LDLRAD2: variants seen among roughly 807,000 people sequenced by gnomAD.
LDLRAD2 encodes low density lipoprotein receptor class A domain containing 2.
A neutral mutation model predicts 24.9 loss-of-function variants in LDLRAD2; 25 were observed. The observed-to-expected ratio is 1.00, with a 90% CI of 0.73 to 1.40. The LOEUF is 1.40. Ranked by LOEUF, LDLRAD2 falls within the 40% of genes most tolerant of loss-of-function variation. The pLI is 0.00. For missense variants in LDLRAD2, 391 were observed against 366.2 expected, an observed-to-expected ratio of 1.07 and a Z score of -0.55; for synonymous variants, 182 against 166.7, an observed-to-expected ratio of 1.09 and a Z score of -0.71.
At chr1:21,815,843 C>A in intron 2 of LDLRAD2, 100 bp from the exon 3 acceptor site, 1 of 1,441,180 alleles carries the variant, frequency 6.9e-7, no homozygotes, top group Non-Finnish European at 9.5e-7. Context: ...GCAGCTCTCT[C>A]CTGCCCACAC....
At position 21,812,484 on chromosome 1, in the gene LDLRAD2, A is replaced by G; in HGVS notation, c.33A>G (p.Gln11=). 6.2e-7 allele frequency: 1 copy of G among 1,614,066 alleles called. No homozygotes were observed. Among genetic ancestry groups the G allele is most frequent in the Non-Finnish European group, 8.5e-7 (1 of 1,179,988 alleles). The change falls in exon 1 of 5, where the codon CAA becomes CAG. Residue 11 remains glutamine (Q), a synonymous_variant. Coordinates refer to ENST00000344642, the MANE Select transcript of LDLRAD2 (RefSeq NM_001013693.3). The stretch of plus-strand genomic sequence containing the variant: ...CTTGTTGTCTTCTGCAGTTGCCCCA[A>G]AGGTTGCTCTTGCTGGGGGCAGCCG... MEACCLLQLP[Q]RLLLLGAAAL...
At position 21,820,613 on chromosome 1, in the gene LDLRAD2, TTAGACA is replaced by T. The variant is rs1174898443; in HGVS notation, c.644-834_644-829del. Reference sequence around the variant, plus strand: ...TTTTTCTCACTAGCATCTATCTCCTTTAGACATAAATTCTATTCATGTGTTTTGTTT... The same window carrying T: ...TTTTTCTCACTAGCATCTATCTCCTTTAAATTCTATTCATGTGTTTTGTTT... On this transcript the variant is annotated intron_variant, in intron 3 of 4. Coordinates refer to ENST00000344642, the MANE Select transcript of LDLRAD2 (RefSeq NM_001013693.3). Among the ~76,000 whole-genome samples, 10 of 152,312 alleles carry T rather than the reference TTAGACA, an allele frequency of 6.6e-5. 1 individual carries two copies. The highest frequency in any genetic ancestry group is 2.4e-4 in the African/African-American group (10 of 41,576).
rs781429937 is a variant in LDLRAD2 at position 21,821,460 on chromosome 1, G to A, written c.654G>A (p.Pro218=). 3.7e-6 allele frequency: 6 copies of A among 1,613,938 alleles called. No individual in the cohort carries two copies. The highest frequency in any genetic ancestry group is 2.2e-5 in the East Asian group (1 of 44,890). Residue 218 remains proline (P), a synonymous_variant, in exon 4 of 5, where the codon CCG becomes CCA. Transcript: ENST00000344642. ...WSPADCRGPS[P]VPSQTGSTDA... is the part of the protein sequence containing the mutation. ...TTCTTTCCCATGCAGGTCCCTCTCCGGTGCCCAGCCAGACAGGAAGTACAG... is the reference window on the plus strand; with the variant it reads ...TTCTTTCCCATGCAGGTCCCTCTCCAGTGCCCAGCCAGACAGGAAGTACAG...
In LDLRAD2 at chr1:21,817,130, A is replaced by C. The variant is rs543124089; in HGVS notation, c.643+1056A>C. 5.9e-4 allele frequency among the ~76,000 whole-genome samples: 89 copies of C among 152,036 alleles called. 1 individual carries two copies. The highest frequency in any genetic ancestry group is 3.5e-3 in the Admixed American group (54 of 15,266). ...AACCCATAGCCTATAACCCATAACCAAGCCAGTGACAAGTCCTTTGAAAGC... is the reference window on the plus strand; with the variant it reads ...AACCCATAGCCTATAACCCATAACCCAGCCAGTGACAAGTCCTTTGAAAGC... On this transcript the variant is annotated intron_variant, in intron 3 of 4. Coordinates refer to ENST00000344642, the MANE Select transcript of LDLRAD2 (RefSeq NM_001013693.3).
In LDLRAD2 at chr1:21,822,496, G is replaced by A. The variant is rs1452239210; in HGVS notation, c.*281G>A. Reference sequence around the variant, plus strand: ...TCCTGAGCACCAGCGGCATCCGTCCGTCCGTTGTCTGTTGGAGGAGTCCCT... The same window carrying A: ...TCCTGAGCACCAGCGGCATCCGTCCATCCGTTGTCTGTTGGAGGAGTCCCT... On this transcript the variant is annotated 3_prime_UTR_variant, in exon 5 of 5. Transcript: ENST00000344642. The A allele has an allele frequency of 1.9e-5, 8 of 432,178 alleles. No individual in the cohort carries two copies. The highest frequency in any genetic ancestry group is 9.7e-5 in the South Asian group (4 of 41,064). The allele number at this position is 432,178 out of a possible 1,614,324, so 26.8% of individuals were successfully genotyped here. A position where few individuals can be genotyped will look rare whatever the true frequency, so the allele number is the denominator to read the frequency against.
At chr1:21,815,294 A>G (rs995137853) in intron 2 of LDLRAD2, among the ~76,000 whole-genome samples, 2 of 151,950 alleles carry the variant, frequency 1.3e-5, no homozygotes, top group African/African-American at 4.8e-5. Flanking sequence ...ACCATCACAC[A>G]CCTCATATGC....
intron 3 of LDLRAD2, among the ~76,000 whole-genome samples, chr1:21,818,493 T>A (rs1312987311): frequency 2.0e-5 from 3 of 152,202 alleles, no homozygotes; most frequent in African/African-American, 7.2e-5. Flanking sequence ...AGAGTTACAG[T>A]TCACAGAGGT....
Position 21,814,701 on chromosome 1 carries a change from T to C in LDLRAD2, c.389T>C (p.Leu130Pro). 6.4e-7 allele frequency: 1 copy of C among 1,567,724 alleles called. No homozygotes were observed. Among genetic ancestry groups the C allele is most frequent in the Non-Finnish European group, 8.6e-7 (1 of 1,157,498 alleles). ...GCGCCCCGGCCCCTGGGGTCCCCACTGTGCGGCCTGAACATCCCGGTGCCT... is the reference window on the plus strand; with the variant it reads ...GCGCCCCGGCCCCTGGGGTCCCCACCGTGCGGCCTGAACATCCCGGTGCCT... ...PGAPRPLGSPLCGLNIPVPVA... is the reference protein window; with the variant it reads ...PGAPRPLGSPPCGLNIPVPVA... The change falls in exon 2 of 5, where the codon CTG becomes CCG. Residue 130 changes from leucine to proline, a missense_variant. Physicochemically the swap from Leu to Pro is moderately conservative, Grantham distance 98. Transcript: ENST00000344642.
In LDLRAD2 at chr1:21,814,330, C is replaced by T. The variant is rs928284878; in HGVS notation, c.86-68C>T. The T allele has an allele frequency of 5.2e-6, 7 of 1,336,086 alleles. No individual in the cohort carries two copies. The East Asian group carries it at 1.5e-4, about 30-fold the overall frequency. 82.8% of individuals were successfully genotyped at this position (1,336,086 alleles called of 1,614,324 possible). A position where few individuals can be genotyped will look rare whatever the true frequency, so the allele number is the denominator to read the frequency against. On this transcript the variant is annotated intron_variant, in intron 1 of 4. Coordinates refer to ENST00000344642, the MANE Select transcript of LDLRAD2 (RefSeq NM_001013693.3). ...GAGTAACTCGCTTGGGATCACACAG[C>T]GGGCAGGGGACAGAGTAGAGTTCGG...
rs1157390137 is a variant in LDLRAD2 at position 21,823,211 on chromosome 1, A to G, written c.*996A>G. On this transcript the variant is annotated 3_prime_UTR_variant, in exon 5 of 5. Coordinates refer to ENST00000344642, the MANE Select transcript of LDLRAD2 (RefSeq NM_001013693.3). Reference sequence around the variant, plus strand: ...CAGGGCGGTAGCAGCAAAGCGTGGCATCGCCTCGGTTTCTTACAAAAATTC... The same window carrying G: ...CAGGGCGGTAGCAGCAAAGCGTGGCGTCGCCTCGGTTTCTTACAAAAATTC... The G allele has an allele frequency of 1.8e-6, 2 of 1,123,776 alleles. No individual in the cohort carries two copies. The highest frequency in any genetic ancestry group is 2.4e-6 in the Non-Finnish European group (2 of 836,766). The allele number at this position is 1,123,776 out of a possible 1,614,324, so 69.6% of individuals were successfully genotyped here. A position where few individuals can be genotyped will look rare whatever the true frequency, so the allele number is the denominator to read the frequency against.
At position 21,823,374 on chromosome 1, in the gene LDLRAD2, G is replaced by T; in HGVS notation, c.*1159G>T. ...CTGGGCGCGGTGCTGCAGGTCCAGG[G>T]GCTGTGGGGGCGGGGCGCCGGGTCG... On this transcript the variant is annotated 3_prime_UTR_variant, in exon 5 of 5. Transcript: ENST00000344642. 2 of 1,551,510 alleles carry T rather than the reference G, an allele frequency of 1.3e-6. No homozygotes were observed. The highest frequency in any genetic ancestry group is 8.7e-7 in the Non-Finnish European group (1 of 1,152,746).
In LDLRAD2 at chr1:21,825,128, T is replaced by G. The variant is rs2097966664; in HGVS notation, c.*2913T>G. ...ATTTCAAAATATCATTTACACATATTGCTGCTTTGAAATTGTGGTAGCTAC... is the reference window on the plus strand; with the variant it reads ...ATTTCAAAATATCATTTACACATATGGCTGCTTTGAAATTGTGGTAGCTAC... On this transcript the variant is annotated 3_prime_UTR_variant, in exon 5 of 5. Transcript: ENST00000344642. The G allele has an allele frequency of 2.8e-6, 1 of 357,062 alleles. No individual in the cohort carries two copies. Among genetic ancestry groups the G allele is most frequent in the Non-Finnish European group, 5.4e-6 (1 of 186,482 alleles). The allele number at this position is 357,062 out of a possible 1,614,324, so 22.1% of individuals were successfully genotyped here.
chr1:21,812,601 A>G lies in LDLRAD2; in HGVS notation c.85+65A>G. On this transcript the variant is annotated intron_variant, in intron 1 of 4. Transcript: ENST00000344642. ...TGGGCCCCCACCATCCTTAGAGACTATGTTTCCCCAGTCAGCACTCATCCT... is the reference window on the plus strand; with the variant it reads ...TGGGCCCCCACCATCCTTAGAGACTGTGTTTCCCCAGTCAGCACTCATCCT... 4 of 1,349,104 alleles carry G rather than the reference A, an allele frequency of 3.0e-6. No homozygotes were observed. The South Asian group carries it at 3.6e-5, about 12-fold the overall frequency. The allele number at this position is 1,349,104 out of a possible 1,614,324, so 83.6% of individuals were successfully genotyped here. A position where few individuals can be genotyped will look rare whatever the true frequency, so the allele number is the denominator to read the frequency against.
chr1:21,813,970 C>CA (rs1340161804), intron 1 of LDLRAD2, among the ~76,000 whole-genome samples: 1 of 151,420 alleles, frequency 6.6e-6, no homozygotes, highest in Non-Finnish European at 1.5e-5. Context: ...CTCCAGAGTT[C>CA]ACGCGATTCT....
At position 21,824,137 on chromosome 1, in the gene LDLRAD2, G is replaced by A. The variant is rs375003419; in HGVS notation, c.*1922G>A. 2.5e-5 allele frequency: 40 copies of A among 1,613,334 alleles called. No individual in the cohort carries two copies. In the African/African-American group the frequency reaches 3.3e-4, roughly 13 times the overall value. On this transcript the variant is annotated 3_prime_UTR_variant, in exon 5 of 5. Coordinates refer to ENST00000344642, the MANE Select transcript of LDLRAD2 (RefSeq NM_001013693.3). The surrounding 1 kb of genome is among the most constrained non-coding windows in gnomAD (Gnocchi z 5.9). ...GTCCCTTACCGCAGTGCTGTCACCC[G>A]GTGCCACTCGCCGTCATTGATGGGG...
chr1:21,819,269 A>G (rs1340359504), intron 3 of LDLRAD2, among the ~76,000 whole-genome samples: 1 of 152,014 alleles, frequency 6.6e-6, no homozygotes, highest in Non-Finnish European at 1.5e-5. Context: ...GCTACTTGGG[A>G]GGCTAAGGCA....
Position 21,824,631 on chromosome 1 carries a change from G to A in LDLRAD2, c.*2416G>A, listed in dbSNP as rs748866712. 13 of 1,613,858 alleles carry A rather than the reference G, an allele frequency of 8.1e-6. No homozygotes were observed. The highest frequency in any genetic ancestry group is 1.3e-5 in the African/African-American group (1 of 74,942). On this transcript the variant is annotated 3_prime_UTR_variant, in exon 5 of 5. Coordinates refer to ENST00000344642, the MANE Select transcript of LDLRAD2 (RefSeq NM_001013693.3). The surrounding 1 kb of genome is among the most constrained non-coding windows in gnomAD (Gnocchi z 5.9). ...CTCGGGCAGGCTGCGGAGGAAGAGC[G>A]GGTGAGGGGACAGAAGTCCCAGATT... is the stretch of plus-strand genomic sequence containing the variant.
chr1:21,825,053 CT>C lies in LDLRAD2; in HGVS notation c.*2839del. ...GAAACCAAAGTAGCAGTGGTAGGAC[CT>C]GCAACTTTGTTACTAGTATTTGCTT... On this transcript the variant is annotated 3_prime_UTR_variant, in exon 5 of 5. Transcript: ENST00000344642. 2.0e-6 allele frequency: 1 copy of C among 507,280 alleles called. No individual in the cohort carries two copies. Among genetic ancestry groups the C allele is most frequent in the East Asian group, 3.6e-5 (1 of 27,604 alleles). 31.4% of individuals were successfully genotyped at this position (507,280 alleles called of 1,614,324 possible).
In LDLRAD2 at chr1:21,820,541, AG is replaced by A. The variant is rs370834472; in HGVS notation, c.644-908del. On this transcript the variant is annotated intron_variant, in intron 3 of 4. Coordinates refer to ENST00000344642, the MANE Select transcript of LDLRAD2 (RefSeq NM_001013693.3). ...CCGTCTCAAAAAAAAAAAAAAAAAA[AG>A]AAAAGAAAAGAAAAGCGGCAGCCCT... Among the ~76,000 whole-genome samples, 924 of 143,050 alleles carry A rather than the reference AG, an allele frequency of 6.5e-3. 27 individuals carry two copies. Among genetic ancestry groups the A allele is most frequent in the Non-Finnish European group, 0.011 (694 of 66,010 alleles). The allele number at this position is 143,050 out of a possible 152,430, so 93.8% of individuals were successfully genotyped here. A position where few individuals can be genotyped will look rare whatever the true frequency, so the allele number is the denominator to read the frequency against.
Sources: allele counts gnomAD v4.1 joint callset (sites outside exome capture counted in the v4.1 genomes callset), GRCh38; gene constraint gnomAD v4.1.1; non-coding constraint Gnocchi (gnomAD v3.1); transcripts MANE v1.5; gene names NCBI Gene and HGNC (gene_info 2026-07-23, HGNC 2026-07-21).